The following PCDHGB4 variants were observed in gnomAD, a reference collection of about 807,000 sequenced individuals.
PCDHGB4 encodes protocadherin gamma subfamily B, 4.
In PCDHGB4, 38 loss-of-function variants were observed where a neutral mutation model predicts 60.5. The ratio of observed to expected loss-of-function variants is 0.63; its 90% CI spans 0.48 to 0.82. The LOEUF is 0.82. Among genes scored for constraint, PCDHGB4 ranks in the 40% least tolerant of loss-of-function variants. The probability of loss-of-function intolerance (pLI) is 0.00; values close to 1 mark genes in which losing one functional copy is unlikely to be tolerated. For missense variants in PCDHGB4, 1,109 were observed against 1,209.6 expected, an observed-to-expected ratio of 0.92 and a Z score of 1.23; for synonymous variants, 456 against 509.7, an observed-to-expected ratio of 0.89 and a Z score of 1.42.
At chr5:141,495,020 C>G in intron 2 of PCDHGB4, 155 bp downstream of exon 2, 1 of 976,790 alleles carries the variant, frequency 1.0e-6, no homozygotes, top group Non-Finnish European at 1.2e-6. Context: ...GGCTGGCACA[C>G]AGACCCCGGA....
At chr5:141,497,143 GA>G (rs928640875) in intron 2 of PCDHGB4, among the ~76,000 whole-genome samples, 7 of 149,992 alleles carry the variant, frequency 4.7e-5, no homozygotes, top group African/African-American at 9.8e-5. Context: ...CTGAGATCAC[GA>G]AAAAAAAATA....
At position 141,432,119 on chromosome 5, in the gene PCDHGB4, C is replaced by T. The variant is rs1273427353; in HGVS notation, c.2397+41838C>T. On this transcript the variant is annotated intron_variant, in intron 1 of 3. Transcript: ENST00000519479. The surrounding 1 kb of genome is among the most constrained non-coding windows in gnomAD (Gnocchi z 6.0). ...CAACGACAACCCGCCGGTCTTCCCT[C>T]AGGCCTCCTATTCCGCTTATATCCC... is the stretch of plus-strand genomic sequence containing the variant. 7 of 1,614,184 alleles carry T rather than the reference C, an allele frequency of 4.3e-6. No homozygotes were observed. Among genetic ancestry groups the T allele is most frequent in the Non-Finnish European group, 5.9e-6 (7 of 1,180,032 alleles).
At chr5:141,409,050 G>C (rs371257178) in intron 1 of PCDHGB4, 1 of 1,613,988 alleles carries the variant, frequency 6.2e-7, no homozygotes. Context: ...TACTTCCGAA[G>C]CACTGCCCAG....
intron 1 of PCDHGB4, among the ~76,000 whole-genome samples, chr5:141,437,236 C>A (rs2154557405): frequency 6.6e-6 from 1 of 152,278 alleles, no homozygotes; most frequent in South Asian, 2.1e-4. Context: ...AAAATTATGT[C>A]AAGGACTTTC....
intron 1 of PCDHGB4, chr5:141,409,297 T>G (rs762820320): frequency 1.9e-6 from 3 of 1,614,006 alleles, no homozygotes; most frequent in South Asian, 2.2e-5. Context: ...CAGGAATGGT[T>G]GTTGCCCTCT....
chr5:141,390,556 CAGTTGTTGG>C, intron 1 of PCDHGB4: 2 of 454,162 alleles, frequency 4.4e-6, no homozygotes, highest in Admixed American at 3.9e-5. Flanking sequence ...AAGTGTTAGA[CAGTTGTTGG>C]CTCTCTCCTA....
chr5:141,404,244 C>A (rs1164182551), intron 1 of PCDHGB4: 2 of 1,613,758 alleles, frequency 1.2e-6, no homozygotes, highest in East Asian at 2.2e-5. Context: ...GGAACTCCGC[C>A]CCTGTCCACA....
intron 1 of PCDHGB4, among the ~76,000 whole-genome samples, chr5:141,466,351 A>G (rs897901821): frequency 6.6e-6 from 1 of 152,050 alleles, no homozygotes; most frequent in African/African-American, 2.4e-5. Context: ...TTTTGCAGCT[A>G]ATCTAGATGT....
At position 141,429,387 on chromosome 5, in the gene PCDHGB4, TAAAAA is replaced by T. The variant is rs11410533; in HGVS notation, c.2397+39110_2397+39114del. On this transcript the variant is annotated intron_variant, in intron 1 of 3. Transcript: ENST00000519479. ...AAATGGAGAAAATGTGTTTTTTTTT[TAAAAA>T]AAATTGAGATTAAGGTCTCATTATG... 8.8e-4 allele frequency among the ~76,000 whole-genome samples: 134 copies of T among 151,448 alleles called. 1 individual carries two copies. Among genetic ancestry groups the T allele is most frequent in the Non-Finnish European group, 1.5e-3 (103 of 67,818 alleles).
At chr5:141,460,961 ATGTGTG>A (rs35821115) in intron 1 of PCDHGB4, among the ~76,000 whole-genome samples, 6 of 144,616 alleles carry the variant, frequency 4.1e-5, no homozygotes, top group South Asian at 4.4e-4. Flanking sequence ...GTATATATAT[ATGTGTG>A]TGTGTGTGTG....
intron 1 of PCDHGB4, chr5:141,397,964 T>A: frequency 9.4e-7 from 1 of 1,060,074 alleles, no homozygotes; most frequent in Non-Finnish European, 1.3e-6. Context: ...CAGCTCAGAC[T>A]CCCCAGCGCC....
chr5:141,413,909 T>A (rs772084941), intron 1 of PCDHGB4: 1 of 1,613,316 alleles, frequency 6.2e-7, no homozygotes. Flanking sequence ...AACGCGCCGG[T>A]CTTCACCTTG....
chr5:141,452,587 A>G (rs1171400700), intron 1 of PCDHGB4, among the ~76,000 whole-genome samples: 1 of 151,948 alleles, frequency 6.6e-6, no homozygotes, highest in Non-Finnish European at 1.5e-5. Context: ...CCATCTTTGT[A>G]TTTTTATTTT....
Position 141,511,207 on chromosome 5 carries a change from T to A in PCDHGB4, c.*34T>A, listed in dbSNP as rs773761839. ...CCAGGCCAAGAGCCACAGGGCGGCC[T>A]CTCCCCAACCAGCCCAGCTTCTCCT... On this transcript the variant is annotated 3_prime_UTR_variant, in exon 4 of 4. Transcript: ENST00000519479. 1 of 1,611,162 alleles carries A rather than the reference T, an allele frequency of 6.2e-7. No individual in the cohort carries two copies. The highest frequency in any genetic ancestry group is 1.1e-5 in the South Asian group (1 of 90,702).
At chr5:141,495,269 CGGAGGAGGCG>C (rs2099759953) in intron 2 of PCDHGB4, among the ~76,000 whole-genome samples, 1 of 152,180 alleles carries the variant, frequency 6.6e-6, no homozygotes, top group Non-Finnish European at 1.5e-5. Context: ...AGCATTTGAC[CGGAGGAGGCG>C]GTCCGCACTC....
chr5:141,422,838 C>G, intron 1 of PCDHGB4: 3 of 1,614,252 alleles, frequency 1.9e-6, no homozygotes, highest in African/African-American at 2.7e-5. Flanking sequence ...TAGCACGTGA[C>G]AGCGGGGACC....
intron 1 of PCDHGB4, chr5:141,421,412 A>T (rs375885183): frequency 4.3e-6 from 7 of 1,613,962 alleles, no homozygotes; most frequent in Non-Finnish European, 5.9e-6. Context: ...GAGCTGGCGA[A>T]GCGCGGAGTC....
At chr5:141,436,181 T>C (rs1050736907) in intron 1 of PCDHGB4, among the ~76,000 whole-genome samples, 2 of 152,092 alleles carry the variant, frequency 1.3e-5, no homozygotes, top group African/African-American at 4.8e-5. Flanking sequence ...TCATATATAG[T>C]CAAATAGAAA....
chr5:141,485,172 C>T lies in PCDHGB4; in HGVS notation c.2398-9635C>T, dbSNP rs377648315. 3.9e-5 allele frequency: 62 copies of T among 1,610,044 alleles called. No individual in the cohort carries two copies. The highest frequency in any genetic ancestry group is 5.1e-5 in the Non-Finnish European group (60 of 1,176,944). On this transcript the variant is annotated intron_variant, in intron 1 of 3. Coordinates refer to ENST00000519479, the MANE Select transcript of PCDHGB4 (RefSeq NM_003736.4). The surrounding 1 kb of genome is among the most constrained non-coding windows in gnomAD (Gnocchi z 5.7). ...CAAGTAGAGAATTAGCGGGCGGCAGCAATGCTCCGCAAGGTGAGAAGCTGG... is the reference window on the plus strand; with the variant it reads ...CAAGTAGAGAATTAGCGGGCGGCAGTAATGCTCCGCAAGGTGAGAAGCTGG...
Sources: allele counts gnomAD v4.1 joint callset (sites outside exome capture counted in the v4.1 genomes callset), GRCh38; gene constraint gnomAD v4.1.1; non-coding constraint Gnocchi (gnomAD v3.1); transcripts MANE v1.5; gene names NCBI Gene and HGNC (gene_info 2026-07-23, HGNC 2026-07-21).